Variants in UNC79 observed in about 807,000 individuals in gnomAD.
UNC79 encodes protein unc-79 homolog.
Under a neutral mutation model 283.1 loss-of-function variants are expected in UNC79, and 37 were observed. The observed-to-expected ratio is 0.13, with a 90% CI of 0.10 to 0.17. The LOEUF is 0.17. Among genes scored for constraint, UNC79 ranks in the 10% least tolerant of loss-of-function variants. The pLI is 1.00. For missense variants in UNC79, 2,272 were observed against 3,211.1 expected (o/e 0.71, Z 7.07); for synonymous variants, 1,107 against 1,200.2 (o/e 0.92, Z 1.61).
intron 22 of UNC79, among the ~76,000 whole-genome samples, chr14:93,588,184 G>C (rs997847804): frequency 6.6e-6 from 1 of 152,104 alleles, no homozygotes; most frequent in Non-Finnish European, 1.5e-5. Context: ...CTTGAAGATA[G>C]GGATTTTATT....
At chr14:93,412,861 C>A (rs532208039) in intron 1 of UNC79, among the ~76,000 whole-genome samples, 17 of 152,008 alleles carry the variant, frequency 1.1e-4, no homozygotes, top group African/African-American at 3.9e-4. Context: ...TTCATCAACA[C>A]CAGACCTGTC....
At chr14:93,466,801 C>A in intron 1 of UNC79, 1 of 964,142 alleles carries the variant, frequency 1.0e-6, no homozygotes, top group Non-Finnish European at 1.2e-6. Flanking sequence ...ATCATCATGG[C>A]TCCTTGGGAT....
intron 7 of UNC79, among the ~76,000 whole-genome samples, chr14:93,498,708 A>G (rs570083277): frequency 1.2e-4 from 18 of 152,308 alleles, no homozygotes; most frequent in Middle Eastern, 3.4e-3. Flanking sequence ...AATGACAGAT[A>G]TCTACCAAAA....
rs192542172 is a variant in UNC79, at chr14:93,652,999, G to A, written c.6084-743G>A. Among the ~76,000 whole-genome samples the A allele has an allele frequency of 1.1e-4, 16 of 152,224 alleles. No homozygotes were observed. The East Asian group carries it at 2.1e-3, about 20-fold the overall frequency. On this transcript the variant is annotated intron_variant, in intron 35 of 48. Coordinates refer to ENST00000555664, the Ensembl canonical transcript of UNC79. ...CTAAAACTTTGAACCAGCATTTCAG[G>A]GTAGATGTGGCACAATGAGGTAATA...
At chr14:93,527,701 C>T (rs2060609792) in intron 8 of UNC79, among the ~76,000 whole-genome samples, 1 of 152,110 alleles carries the variant, frequency 6.6e-6, no homozygotes, top group Non-Finnish European at 1.5e-5. Flanking sequence ...ATCTTAACTG[C>T]TTACTCAGCT....
intron 26 of UNC79, among the ~76,000 whole-genome samples, chr14:93,610,691 G>A (rs979785237): frequency 9.3e-5 from 14 of 151,332 alleles, no homozygotes; most frequent in African/African-American, 1.9e-4. Context: ...GCTCACTGCA[G>A]CTTCAACTTC....
At chr14:93,530,415 A>G (rs1347078163) in intron 10 of UNC79, among the ~76,000 whole-genome samples, 1 of 146,152 alleles carries the variant, frequency 6.8e-6, no homozygotes, top group Non-Finnish European at 1.5e-5. Flanking sequence ...TACTAAAAAT[A>G]CAAACAAACA....
intron 47 of UNC79, among the ~76,000 whole-genome samples, chr14:93,703,304 C>G (rs1343490447): frequency 1.3e-5 from 2 of 152,196 alleles, no homozygotes; most frequent in African/African-American, 4.8e-5. Flanking sequence ...GTTCTGGAGA[C>G]CAGAAGGCTG....
intron 22 of UNC79, among the ~76,000 whole-genome samples, chr14:93,592,172 CTTTTTTTTTTT>C (rs557283063): frequency 7.2e-5 from 9 of 124,792 alleles, no homozygotes; most frequent in African/African-American, 2.5e-4. Flanking sequence ...ATAACTTTTC[CTTTTTTTTTTT>C]TTTTTTTTTG....
chr14:93,481,530 C>A (rs926852689), intron 4 of UNC79, among the ~76,000 whole-genome samples: 1 of 152,074 alleles, frequency 6.6e-6, no homozygotes, highest in Non-Finnish European at 1.5e-5. Context: ...ATTATTCTAA[C>A]GTATCCTAGT....
At chr14:93,519,038 G>A (rs201459074) in intron 7 of UNC79, among the ~76,000 whole-genome samples, 1 of 151,722 alleles carries the variant, frequency 6.6e-6, no homozygotes, top group African/African-American at 2.4e-5. Context: ...TATAAAATAG[G>A]TTAAGTTGTT....
chr14:93,585,749 C>T (rs1001423914), intron 20 of UNC79, among the ~76,000 whole-genome samples: 4 of 152,170 alleles, frequency 2.6e-5, no homozygotes, highest in Admixed American at 1.3e-4. Context: ...GAGATCCTCC[C>T]GAGAGGGTGA....
intron 1 of UNC79, among the ~76,000 whole-genome samples, chr14:93,424,200 A>G (rs754614209): frequency 3.3e-5 from 5 of 152,224 alleles, no homozygotes; most frequent in Non-Finnish European, 7.3e-5. Flanking sequence ...CTTTTATTCA[A>G]AAGTCAGGCA....
intron 33 of UNC79, 35 bp from the exon 37 acceptor site, chr14:93,643,522 C>T: frequency 6.2e-7 from 1 of 1,613,448 alleles, no homozygotes; most frequent in South Asian, 1.1e-5. Context: ...ATGGTTCTTT[C>T]TTTCATGGAA....
In UNC79 at chr14:93,676,506, G is replaced by A. The variant is rs142163747; in HGVS notation, c.6741+3051G>A. On this transcript the variant is annotated intron_variant, in intron 41 of 48. Transcript: ENST00000555664. ...GTCACTTGCTTCTGAGAGTGTTGCA[G>A]TTGGAGATGTGCCACCTGAAAACCA... Among the ~76,000 whole-genome samples the A allele has an allele frequency of 1.5e-3, 221 of 152,344 alleles. 1 individual carries two copies. The highest frequency in any genetic ancestry group is 5.1e-3 in the African/African-American group (212 of 41,588).
rs143329344 is a variant in UNC79, at chr14:93,624,415, A to G, written c.5608+1574A>G. The stretch of plus-strand genomic sequence containing the variant: ...TGTTTGGGGCCAGGAACATGGTTGC[A>G]TATGGAAGGAGGAGGGCATTGACCT... On this transcript the variant is annotated intron_variant, in intron 30 of 48. Transcript: ENST00000555664. 6.2e-3 allele frequency among the ~76,000 whole-genome samples: 937 copies of G among 152,286 alleles called. 7 individuals are homozygous for G. The highest frequency in any genetic ancestry group is 0.041 in the Middle Eastern group (12 of 294).
At chr14:93,579,860 C>G (rs528271369) in intron 18 of UNC79, among the ~76,000 whole-genome samples, 5 of 152,134 alleles carry the variant, frequency 3.3e-5, no homozygotes, top group African/African-American at 1.2e-4. Context: ...TCTCACAAAC[C>G]GATTAGCCAA....
At chr14:93,649,786 C>T (rs554045347) in intron 35 of UNC79, among the ~76,000 whole-genome samples, 244 of 152,214 alleles carry the variant, frequency 1.6e-3, no homozygotes, top group Admixed American at 2.9e-3. Context: ...TTGTTGTTAA[C>T]TATACTCACC....
At chr14:93,628,419 C>T (rs2067735608) in intron 30 of UNC79, among the ~76,000 whole-genome samples, 1 of 152,234 alleles carries the variant, frequency 6.6e-6, no homozygotes, top group Non-Finnish European at 1.5e-5. Flanking sequence ...ACCAGGTTCT[C>T]TGCGATGCCC....
Sources: gnomAD v4.1 joint callset for allele counts (sites outside exome capture counted in the v4.1 genomes callset) on GRCh38, gnomAD v4.1.1 for gene constraint, MANE v1.5 for transcripts, NCBI Gene and HGNC (gene_info 2026-07-23, HGNC 2026-07-21) for gene names.